The following CCDC174 variants were observed in gnomAD, a reference collection of about 807,000 sequenced individuals.
The protein encoded by CCDC174 is coiled-coil domain-containing protein 174.
A neutral mutation model predicts 57.1 loss-of-function variants in CCDC174; 37 were observed. The ratio of observed to expected loss-of-function variants is 0.65; its 90% confidence interval spans 0.50 to 0.85. The LOEUF is 0.85. Among genes scored for constraint, CCDC174 ranks in the 40% least tolerant of loss-of-function variants. The pLI, the probability that CCDC174 is intolerant of heterozygous loss-of-function variation, is 0.00. For missense variants in CCDC174, 540 were observed against 574.3 expected, an observed-to-expected ratio of 0.94 and a Z score of 0.61; for synonymous variants, 182 against 190.2, an observed-to-expected ratio of 0.96 and a Z score of 0.35.
intron 3 of CCDC174, among the ~76,000 whole-genome samples, chr3:14,657,131 T>G (rs2030983899): frequency 6.6e-6 from 1 of 152,252 alleles, no homozygotes; most frequent in Admixed American, 6.5e-5. Flanking sequence ...TTTTGCTCTG[T>G]GTATCAAGAG....
intron 5 of CCDC174, among the ~76,000 whole-genome samples, chr3:14,664,366 T>C (rs2124842900): frequency 6.6e-6 from 1 of 152,292 alleles, no homozygotes; most frequent in East Asian, 1.9e-4. Context: ...AAATGAGATG[T>C]TTTTCATGAA....
rs371879100 is a variant in CCDC174 at position 14,668,114 on chromosome 3, A to G, written c.885A>G (p.Arg295=). ...AGCGAAAGGCTATCTTAGAGGCAAG[A>G]CTTGCCAAACTTCGACAAAAAAAGA... ...KEKRKAILEA[R]LAKLRQKKMK... Residue 295 remains arginine (R), a synonymous_variant, in exon 9 of 11, where the codon AGA becomes AGG. Coordinates refer to ENST00000383794, the MANE Select transcript of CCDC174 (RefSeq NM_016474.5). The G allele has an allele frequency of 2.0e-5, 32 of 1,611,148 alleles. No individual in the cohort carries two copies. Among genetic ancestry groups the G allele is most frequent in the African/African-American group, 6.7e-5 (5 of 74,816 alleles).
chr3:14,667,536 G>C lies in CCDC174; in HGVS notation c.819+18G>C. Reference sequence around the variant, plus strand: ...GTGAACAGGTACAGATAAATCCCAAGTGACTGTGAGGAAAGATGTGAGCGC... The same window carrying C: ...GTGAACAGGTACAGATAAATCCCAACTGACTGTGAGGAAAGATGTGAGCGC... On this transcript the variant is annotated intron_variant, in intron 8 of 10. Transcript: ENST00000383794. 5 of 1,585,832 alleles carry C rather than the reference G, an allele frequency of 3.2e-6. No individual in the cohort carries two copies. Among genetic ancestry groups the C allele is most frequent in the Non-Finnish European group, 4.3e-6 (5 of 1,154,588 alleles).
rs201654423 is a variant in CCDC174 at position 14,651,843 on chromosome 3, C to T, written c.7C>T (p.Arg3Cys). MDRRKKPLDVTAS... is the reference protein window; with the variant it reads MDCRKKPLDVTAS... ...GGGACCCTCTGCCACGACCATGGAC[C>T]GTAGGAAAAAGCCTTTGGACGTCAC... The change falls in exon 1 of 11, where the codon CGT (arginine) becomes TGT (cysteine). Residue 3 changes from arginine to cysteine, a missense_variant. Coordinates refer to ENST00000383794, the MANE Select transcript of CCDC174 (RefSeq NM_016474.5). 36 of 1,614,056 alleles carry T rather than the reference C, an allele frequency of 2.2e-5. No individual in the cohort carries two copies. The East Asian group carries it at 7.4e-4, about 33-fold the overall frequency.
In CCDC174 at chr3:14,667,470, A is replaced by AG. The variant is rs1382627655; in HGVS notation, c.772dup (p.Glu258GlyfsTer15). ...GGTATTTTGCCTTTGCCCGAGACAA[A>AG]GAGTTGAGAAACAAGCAGATGAAAA... On this transcript the variant is annotated frameshift_variant, in exon 8 of 11. Transcript: ENST00000383794. LOFTEE classifies it high-confidence loss of function. The AG allele has an allele frequency of 6.2e-7, 1 of 1,613,756 alleles. No individual in the cohort carries two copies. Among genetic ancestry groups the AG allele is most frequent in the African/African-American group, 1.3e-5 (1 of 74,812 alleles).
At chr3:14,661,172 CCTGAT>C (rs1485477152) in intron 4 of CCDC174, among the ~76,000 whole-genome samples, 1 of 152,216 alleles carries the variant, frequency 6.6e-6, no homozygotes, top group African/African-American at 2.4e-5. Flanking sequence ...GTTCTACTGT[CCTGAT>C]CTGATGACAC....
intron 6 of CCDC174, among the ~76,000 whole-genome samples, chr3:14,665,409 A>T (rs1329788760): frequency 6.6e-6 from 1 of 152,214 alleles, no homozygotes; most frequent in Non-Finnish European, 1.5e-5. Context: ...AAACCAGCAA[A>T]CCAGGCTTTG....
Position 14,661,621 on chromosome 3 carries a change from T to C in CCDC174, c.399T>C (p.Asp133=). 3 of 1,614,128 alleles carry C rather than the reference T, an allele frequency of 1.9e-6. No homozygotes were observed. Among genetic ancestry groups the C allele is most frequent in the Non-Finnish European group, 2.5e-6 (3 of 1,180,004 alleles). The change falls in exon 5 of 11, where the codon GAT becomes GAC. Residue 133 remains aspartate, a synonymous_variant. Coordinates refer to ENST00000383794, the MANE Select transcript of CCDC174 (RefSeq NM_016474.5). ...TGGAGGCATCTGGTGCCCATAGAGA[T>C]TCTCAAAAGGCAGGAGAAAGGGACG... The part of the protein sequence containing the change: ...KEMEASGAHR[D]SQKAGERDDD...
chr3:14,655,956 C>T (rs911801413), intron 3 of CCDC174, among the ~76,000 whole-genome samples: 7 of 152,128 alleles, frequency 4.6e-5, no homozygotes, highest in African/African-American at 1.4e-4. Flanking sequence ...AAACTTCCCC[C>T]CCACCTTTTA....
chr3:14,662,266 C>T (rs1414180966), intron 5 of CCDC174, among the ~76,000 whole-genome samples: 7 of 152,064 alleles, frequency 4.6e-5, no homozygotes, highest in Non-Finnish European at 1.0e-4. Flanking sequence ...GTCTTTGAGG[C>T]TCAGGATCTT....
chr3:14,670,687 G>A (rs2031479972), intron 10 of CCDC174, among the ~76,000 whole-genome samples: 1 of 152,186 alleles, frequency 6.6e-6, no homozygotes, highest in Admixed American at 6.5e-5. Flanking sequence ...CCCATCTAGA[G>A]ATAGTCACTC....
At chr3:14,667,189 A>C (rs1442557791) in intron 7 of CCDC174, 4 of 617,498 alleles carry the variant, frequency 6.5e-6, no homozygotes, top group Non-Finnish European at 1.1e-5. Flanking sequence ...GAGACAGCCC[A>C]TGGCTGAAAG....
intron 5 of CCDC174, among the ~76,000 whole-genome samples, chr3:14,662,395 A>G (rs1050473768): frequency 1.5e-5 from 2 of 134,204 alleles, no homozygotes; most frequent in African/African-American, 5.7e-5. Flanking sequence ...CCTGTGGAGT[A>G]TAAGCAGGCA....
At position 14,658,911 on chromosome 3, in the gene CCDC174, A is replaced by G; in HGVS notation, c.289A>G (p.Thr97Ala). The G allele has an allele frequency of 6.6e-7, 1 of 1,525,286 alleles. No individual in the cohort carries two copies. 94.5% of individuals were successfully genotyped at this position (1,525,286 alleles called of 1,614,324 possible). Reference sequence around the variant, plus strand: ...AAAAGCCAAATTATATGAAAAAATGACTAAAGGAGACTTTATAGGTAAATA... The same window carrying G: ...AAAAGCCAAATTATATGAAAAAATGGCTAAAGGAGACTTTATAGGTAAATA... ...EEKAKLYEKM[T>A]KGDFIDEEVE... Residue 97 changes from threonine (T) to alanine (A), a missense_variant, in exon 4 of 11, where the codon ACT becomes GCT. Physicochemically the swap from Thr to Ala is moderately conservative, Grantham distance 58 (BLOSUM62 0). Transcript: ENST00000383794.
chr3:14,652,436 C>G (rs942339339), intron 1 of CCDC174, among the ~76,000 whole-genome samples: 1 of 152,202 alleles, frequency 6.6e-6, no homozygotes, highest in Non-Finnish European at 1.5e-5. Context: ...ATCAGCTACT[C>G]TAGAAAGAAA....
rs760618729 is a variant in CCDC174, at chr3:14,658,855, AT to A, written c.249-8del. 29 of 1,542,536 alleles carry A rather than the reference AT, an allele frequency of 1.9e-5. No homozygotes were observed. The highest frequency in any genetic ancestry group is 7.1e-5 in the Admixed American group (4 of 56,186). On this transcript the variant is annotated splice_polypyrimidine_tract_variant and intron_variant, in intron 3 of 10. Transcript: ENST00000383794. ...TTATAAGACCATTTCTAATACTTGTATTTTTTTTCTCCTAGGGAAAAATTGG... is the reference window on the plus strand; with the variant it reads ...TTATAAGACCATTTCTAATACTTGTATTTTTTTCTCCTAGGGAAAAATTGG...
intron 3 of CCDC174, among the ~76,000 whole-genome samples, chr3:14,657,409 T>C (rs557807002): frequency 1.6e-4 from 25 of 152,366 alleles, no homozygotes; most frequent in African/African-American, 5.5e-4. Context: ...AAATAGTGTC[T>C]GGCACTTAGA....
intron 6 of CCDC174, 45 bp downstream of exon 6, chr3:14,665,168 AG>A: frequency 7.5e-7 from 1 of 1,324,544 alleles, no homozygotes. Flanking sequence ...TCTGAAATGC[AG>A]CCACAGGGAT....
intron 1 of CCDC174, among the ~76,000 whole-genome samples, chr3:14,653,761 G>A (rs2030857757): frequency 1.3e-5 from 2 of 152,162 alleles, no homozygotes; most frequent in African/African-American, 2.4e-5. Context: ...TAAGTCAAAC[G>A]TGGAGCTGTT....
Sources: allele counts gnomAD v4.1 joint callset (sites outside exome capture counted in the v4.1 genomes callset), GRCh38; gene constraint gnomAD v4.1.1; transcripts MANE v1.5; gene names NCBI Gene and HGNC (gene_info 2026-07-23, HGNC 2026-07-21).